SYNPR: variants seen among roughly 807,000 people sequenced by gnomAD.
SYNPR encodes synaptoporin.
A neutral mutation model predicts 32.9 loss-of-function variants in SYNPR; 23 were observed. The observed-to-expected ratio is 0.70, with a 90% CI of 0.50 to 0.99. SYNPR has a LOEUF of 0.99. Among genes scored for constraint, SYNPR ranks in the 50% least tolerant of loss-of-function variants. The probability of loss-of-function intolerance (pLI) is 0.00; values close to 1 mark genes in which losing one functional copy is unlikely to be tolerated. For synonymous variants in SYNPR, 146 were observed against 135.9 expected (o/e 1.07, Z -0.52); for missense variants, 318 against 349.3 (o/e 0.91, Z 0.71).
At chr3:63,287,258 C>T (rs1366022522) in intron 2 of SYNPR, among the ~76,000 whole-genome samples, 1 of 152,194 alleles carries the variant, frequency 6.6e-6, no homozygotes, top group Non-Finnish European at 1.5e-5. Flanking sequence ...TTTTAGGGGC[C>T]TGGTGACGGT....
Position 63,616,909 on chromosome 3 carries a change from G to C in SYNPR, c.*1428G>C, listed in dbSNP as rs1559552828. ...GTGATATCTATTTGATGTTAATAAA[G>C]TTATTGCATACAGTGCTGGCTGGAC... On this transcript the variant is annotated 3_prime_UTR_variant, in exon 6 of 6. Coordinates refer to ENST00000478300, the MANE Select transcript of SYNPR (RefSeq NM_001130003.2). The C allele has an allele frequency of 6.6e-6, 1 of 152,190 alleles. No homozygotes were observed. Among genetic ancestry groups the C allele is most frequent in the Non-Finnish European group, 1.5e-5 (1 of 68,040 alleles). The allele number at this position is 152,190 out of a possible 1,614,324, so 9.4% of individuals were successfully genotyped here.
intron 2 of SYNPR, among the ~76,000 whole-genome samples, chr3:63,425,956 T>A (rs916981557): frequency 6.6e-6 from 1 of 152,046 alleles, no homozygotes; most frequent in Admixed American, 6.6e-5. Flanking sequence ...CTAATTTTTT[T>A]TTGCATTTTT....
intron 2 of SYNPR, among the ~76,000 whole-genome samples, chr3:63,331,535 C>CT (rs1022500930): frequency 4.6e-5 from 7 of 152,106 alleles, no homozygotes; most frequent in Non-Finnish European, 1.0e-4. Context: ...TTCTTAAATG[C>CT]TCACGTATCT....
At chr3:63,209,592 G>A in the SYNPR span, among the ~76,000 whole-genome samples, 1 of 152,040 alleles carries the variant, frequency 6.6e-6, no homozygotes, top group Non-Finnish European at 1.5e-5. Flanking sequence ...CCTTTCTTTG[G>A]TTTTACCAGC....
intron 2 of SYNPR, among the ~76,000 whole-genome samples, chr3:63,469,606 T>A (rs1575660824): frequency 6.6e-6 from 1 of 152,356 alleles, no homozygotes; most frequent in East Asian, 1.9e-4. Context: ...TTTTATCTTA[T>A]TATTCCATTT....
At chr3:63,428,715 C>T (rs1013039667) in intron 2 of SYNPR, among the ~76,000 whole-genome samples, 1 of 152,202 alleles carries the variant, frequency 6.6e-6, no homozygotes, top group African/African-American at 2.4e-5. Context: ...GCTGGAACAA[C>T]GGGATAATAG....
intron 2 of SYNPR, among the ~76,000 whole-genome samples, chr3:63,438,001 G>C (rs558997716): frequency 2.0e-5 from 3 of 152,162 alleles, no homozygotes; most frequent in African/African-American, 7.2e-5. Flanking sequence ...GCCTAAAGGG[G>C]AGCATGCTTA....
intron 3 of SYNPR, among the ~76,000 whole-genome samples, chr3:63,554,668 C>T (rs1176901939): frequency 6.6e-6 from 1 of 151,148 alleles, no homozygotes; most frequent in Admixed American, 6.6e-5. Context: ...GTTCCTTTTG[C>T]TTAAGACTGT....
chr3:63,273,224 A>G (rs1360998761), intron 3 of SYNPR, among the ~76,000 whole-genome samples: 3 of 152,222 alleles, frequency 2.0e-5, no homozygotes, highest in African/African-American at 7.2e-5. Context: ...CATTTTCAAA[A>G]TTGCAATGAA....
chr3:63,357,808 T>C (rs1318928502), intron 2 of SYNPR, among the ~76,000 whole-genome samples: 1 of 152,196 alleles, frequency 6.6e-6, no homozygotes, highest in Non-Finnish European at 1.5e-5. Flanking sequence ...CTAAGGAGAT[T>C]ATGCTTACAT....
chr3:63,304,054 G>T (rs2086883413), intron 2 of SYNPR, among the ~76,000 whole-genome samples: 1 of 152,088 alleles, frequency 6.6e-6, no homozygotes, highest in South Asian at 2.1e-4. Context: ...GAGTGCTTTT[G>T]GCTTGCCTTT....
intron 3 of SYNPR, among the ~76,000 whole-genome samples, chr3:63,540,789 A>G (rs185248531): frequency 6.6e-6 from 1 of 151,988 alleles, no homozygotes; most frequent in Non-Finnish European, 1.5e-5. Flanking sequence ...AGAGACACAT[A>G]CAGAAGACAT....
the SYNPR span, among the ~76,000 whole-genome samples, chr3:63,202,013 G>T: frequency 1.3e-5 from 2 of 151,914 alleles, no homozygotes; most frequent in African/African-American, 4.8e-5. Flanking sequence ...TTAATATCTA[G>T]ATTCAAATGC....
intron 3 of SYNPR, among the ~76,000 whole-genome samples, chr3:63,484,068 G>A (rs114422384): frequency 0.011 from 1,630 of 152,256 alleles, 15 homozygotes; most frequent in Middle Eastern, 0.027. Flanking sequence ...TAATGTCAGT[G>A]TTAAAAATTC....
At chr3:63,464,092 A>T (rs1559506853) in intron 2 of SYNPR, among the ~76,000 whole-genome samples, 1 of 152,190 alleles carries the variant, frequency 6.6e-6, no homozygotes, top group Non-Finnish European at 1.5e-5. Context: ...TGCATTTCCA[A>T]TTCAACAAAT....
chr3:63,292,605 G>A (rs1048144053), intron 2 of SYNPR, among the ~76,000 whole-genome samples: 1 of 152,166 alleles, frequency 6.6e-6, no homozygotes. Context: ...TAACTAGCAG[G>A]CATAATTATT....
chr3:63,242,788 C>T (rs2086258070), intron 1 of SYNPR, among the ~76,000 whole-genome samples: 1 of 151,794 alleles, frequency 6.6e-6, no homozygotes, highest in Non-Finnish European at 1.5e-5. Context: ...ATAGAATTAT[C>T]TGAAAAAGAC....
chr3:63,355,388 C>T (rs931106844), intron 2 of SYNPR, among the ~76,000 whole-genome samples: 2 of 152,032 alleles, frequency 1.3e-5, no homozygotes, highest in Non-Finnish European at 2.9e-5. Context: ...TACTGAAGGA[C>T]CCAACACCCC....
At chr3:63,487,368 G>A (rs4306846) in intron 3 of SYNPR, among the ~76,000 whole-genome samples, 30,164 of 151,960 alleles carry the variant, frequency 0.2, 3,239 homozygotes, top group East Asian at 0.26. Flanking sequence ...CTATTTCATA[G>A]TATTGTTATA....
Sources: allele counts gnomAD v4.1 joint callset (sites outside exome capture counted in the v4.1 genomes callset), GRCh38; gene constraint gnomAD v4.1.1; transcripts MANE v1.5; gene names NCBI Gene and HGNC (gene_info 2026-07-23, HGNC 2026-07-21).